CYRIB: variants seen among roughly 807,000 people sequenced by gnomAD.
The protein encoded by CYRIB is CYFIP related Rac1 interactor B, also known as CYFIP-related Rac1 interactor B.
CYRIB carries 8 observed loss-of-function variants against 44.2 expected under a neutral mutation model. The observed-to-expected ratio is 0.18, with a 90% CI of 0.11 to 0.33. The LOEUF (loss-of-function observed/expected upper bound fraction) is 0.33. Among genes scored for constraint, CYRIB ranks in the 10% least tolerant of loss-of-function variants. CYRIB has a pLI of 1.00. For synonymous variants in CYRIB, 131 were observed against 127.2 expected (o/e 1.03, Z -0.20); for missense variants, 185 against 382.8 (o/e 0.48, Z 4.31).
chr8:129,854,394 A>C, intron 6 of CYRIB, 51 bp from the exon 9 acceptor site: 2 of 1,319,106 alleles, frequency 1.5e-6, no homozygotes, highest in Non-Finnish European at 2.1e-6. Context: ...ATGCTAATGT[A>C]AAAAAACTAA....
At chr8:129,999,914 C>T (rs1286160476) in intron 1 of CYRIB, among the ~76,000 whole-genome samples, 1 of 152,220 alleles carries the variant, frequency 6.6e-6, no homozygotes, top group South Asian at 2.1e-4. Context: ...CAGGCATCAG[C>T]CACTGCACCC....
At chr8:130,000,928 C>T (rs1323196131) in intron 1 of CYRIB, among the ~76,000 whole-genome samples, 1 of 152,056 alleles carries the variant, frequency 6.6e-6, no homozygotes, top group African/African-American at 2.4e-5. Context: ...ATTGTCCACC[C>T]AAAGTAGAAA....
intron 4 of CYRIB, chr8:129,868,566 T>C (rs1437968083): frequency 1.3e-5 from 2 of 152,176 alleles, no homozygotes; most frequent in Non-Finnish European, 2.9e-5. Context: ...TGGACTATTT[T>C]TGAGTGAACT....
chr8:130,008,148 G>T (rs924618352), intron 1 of CYRIB, among the ~76,000 whole-genome samples: 4 of 152,156 alleles, frequency 2.6e-5, no homozygotes, highest in Non-Finnish European at 4.4e-5. Context: ...GGTGGAGGTT[G>T]CAGTGAGCCG....
chr8:129,990,925 T>C (rs2096616108), intron 1 of CYRIB, among the ~76,000 whole-genome samples: 3 of 151,748 alleles, frequency 2.0e-5, no homozygotes. Flanking sequence ...GAGATCAGGA[T>C]TTCAAGACCA....
At chr8:130,008,827 T>C (rs2097160426) in intron 1 of CYRIB, among the ~76,000 whole-genome samples, 1 of 152,150 alleles carries the variant, frequency 6.6e-6, no homozygotes, top group South Asian at 2.1e-4. Flanking sequence ...AAAGCAGACA[T>C]TTTAGGAAGT....
intron 1 of CYRIB, among the ~76,000 whole-genome samples, chr8:129,997,072 G>A (rs574352285): frequency 1.4e-5 from 2 of 143,112 alleles, no homozygotes; most frequent in Non-Finnish European, 3.1e-5. Flanking sequence ...GAGGGAGGGA[G>A]GGAGGGAGGG....
chr8:129,937,737 C>T (rs1427045259), intron 1 of CYRIB, among the ~76,000 whole-genome samples: 1 of 152,120 alleles, frequency 6.6e-6, no homozygotes, highest in Non-Finnish European at 1.5e-5. Context: ...TAGCCTCTAC[C>T]CAATTATATA....
chr8:129,941,577 G>A (rs1363218673), upstream of CYRIB, among the ~76,000 whole-genome samples: 2 of 152,158 alleles, frequency 1.3e-5, no homozygotes, highest in Non-Finnish European at 2.9e-5. Context: ...CCCAGCTGGA[G>A]ATGATGTTTT....
At chr8:129,886,734 T>G (rs2062919040) in intron 2 of CYRIB, among the ~76,000 whole-genome samples, 1 of 151,990 alleles carries the variant, frequency 6.6e-6, no homozygotes, top group Non-Finnish European at 1.5e-5. Flanking sequence ...GCCAGGAGCA[T>G]CTGCCCTGAC....
At chr8:129,987,728 C>T (rs1402291933) in intron 1 of CYRIB, among the ~76,000 whole-genome samples, 2 of 152,068 alleles carry the variant, frequency 1.3e-5, no homozygotes, top group Non-Finnish European at 2.9e-5. Flanking sequence ...GGCGCCACCT[C>T]GCCCAGTTAA....
intron 1 of CYRIB, among the ~76,000 whole-genome samples, chr8:130,009,200 A>G (rs1234238356): frequency 6.6e-6 from 1 of 152,118 alleles, no homozygotes; most frequent in Non-Finnish European, 1.5e-5. Flanking sequence ...TCCTTTTTCA[A>G]AGGCGCCAAC....
chr8:129,874,630 T>C (rs1173097897), intron 3 of CYRIB, among the ~76,000 whole-genome samples: 1 of 152,108 alleles, frequency 6.6e-6, no homozygotes, highest in African/African-American at 2.4e-5. Context: ...TAATACATTT[T>C]GAATGAATGA....
In CYRIB at chr8:129,907,498, C is replaced by T. The variant is rs552296832; in HGVS notation, c.-49-4148G>A. Among the ~76,000 whole-genome samples the T allele has an allele frequency of 3.9e-5, 6 of 151,976 alleles. No homozygotes were observed. The South Asian group carries it at 8.3e-4, about 21-fold the overall frequency. The stretch of plus-strand genomic sequence containing the variant: ...TAGGAGATATACTTAATGTAAATGA[C>T]GAGTTAATGGGTGCAGCACACCAAC... On this transcript the variant is annotated intron_variant, in intron 1 of 11. Transcript: ENST00000519824.
At chr8:129,877,378 T>G (rs900093821) in intron 3 of CYRIB, among the ~76,000 whole-genome samples, 4 of 152,230 alleles carry the variant, frequency 2.6e-5, no homozygotes, top group Non-Finnish European at 4.4e-5. Context: ...CCAGGTGCAG[T>G]AGCTCACACC....
intron 3 of CYRIB, among the ~76,000 whole-genome samples, chr8:129,877,663 GGT>G (rs5895011): frequency 0.18 from 23,141 of 130,458 alleles, 1,927 homozygotes; most frequent in Non-Finnish European, 0.2. Context: ...AAAAAAAAAA[GGT>G]GTGTGTGTGT....
exon 4 of CYRIB, chr8:129,871,394 G>GCTCCTC: frequency 6.2e-7 from 1 of 1,607,030 alleles, no homozygotes. Context: ...TTCGTGGCCA[G>GCTCCTC]CTCCTCTGTA....
At chr8:129,861,757 T>C (rs1260734289) in intron 5 of CYRIB, among the ~76,000 whole-genome samples, 1 of 152,064 alleles carries the variant, frequency 6.6e-6, no homozygotes, top group East Asian at 1.9e-4. Flanking sequence ...AGCCTATTTC[T>C]CATCTTCTAC....
chr8:129,990,141 C>T (rs1022477770), intron 1 of CYRIB, among the ~76,000 whole-genome samples: 1 of 152,178 alleles, frequency 6.6e-6, no homozygotes, highest in African/African-American at 2.4e-5. Context: ...ATCTCTTCTA[C>T]TAGGCTGTGC....
Sources: gnomAD v4.1 joint callset for allele counts (sites outside exome capture counted in the v4.1 genomes callset) on GRCh38, gnomAD v4.1.1 for gene constraint, MANE v1.5 for transcripts, NCBI Gene and HGNC (gene_info 2026-07-23, HGNC 2026-07-21) for gene names.